Variants in NEDD4L observed in about 807,000 individuals in gnomAD.
NEDD4L encodes E3 ubiquitin-protein ligase NEDD4-like.
NEDD4L carries 54 observed loss-of-function variants against 148.9 expected under a neutral mutation model. The ratio of observed to expected loss-of-function variants is 0.36; its 90% CI spans 0.29 to 0.45. The LOEUF (loss-of-function observed/expected upper bound fraction) is 0.45. NEDD4L is among the 20% of genes least tolerant of loss of function. The pLI is 1.00. For synonymous variants in NEDD4L, 433 were observed against 440.7 expected, an observed-to-expected ratio of 0.98 and a Z score of 0.22; for missense variants, 856 against 1,233.8, an observed-to-expected ratio of 0.69 and a Z score of 4.59.
intron 19 of NEDD4L, among the ~76,000 whole-genome samples, chr18:58,359,429 C>G (rs764437794): frequency 5.9e-5 from 9 of 152,102 alleles, no homozygotes; most frequent in Non-Finnish European, 1.0e-4. Flanking sequence ...AACATCAGGA[C>G]CTCAGGGAAC....
chr18:58,044,714 T>G lies in NEDD4L; in HGVS notation c.48+6T>G. On this transcript the variant is annotated splice_donor_region_variant and intron_variant, in intron 1 of 30. Transcript: ENST00000400345. The stretch of plus-strand genomic sequence containing the variant: ...ATGGACTTTCCGAAGACGAGGTGAG[T>G]GGCACCCCCTTCCTGCTCGGGACTC... The G allele has an allele frequency of 6.2e-7, 1 of 1,602,548 alleles. No individual in the cohort carries two copies. Among genetic ancestry groups the G allele is most frequent in the Non-Finnish European group, 8.5e-7 (1 of 1,174,680 alleles).
intron 16 of NEDD4L, among the ~76,000 whole-genome samples, chr18:58,347,103 C>T (rs2043166545): frequency 6.6e-6 from 1 of 151,634 alleles, no homozygotes; most frequent in Admixed American, 6.6e-5. Flanking sequence ...TGCAAGGCCA[C>T]TTTAGCAGAT....
At chr18:58,154,344 G>A (rs1599161259) in intron 1 of NEDD4L, among the ~76,000 whole-genome samples, 2 of 152,166 alleles carry the variant, frequency 1.3e-5, no homozygotes, top group Admixed American at 6.5e-5. Context: ...AGGAAGACTG[G>A]GACCCAAGGG....
chr18:58,072,907 A>C (rs1407973581), intron 1 of NEDD4L, among the ~76,000 whole-genome samples: 1 of 122,282 alleles, frequency 8.2e-6, no homozygotes, highest in Non-Finnish European at 1.9e-5. Context: ...CACACACACA[A>C]ATCTTGAACT....
In NEDD4L at chr18:58,174,398, C is replaced by T. The variant is rs533396104; in HGVS notation, c.122+8537C>T. On this transcript the variant is annotated intron_variant, in intron 2 of 30. Transcript: ENST00000400345. The stretch of plus-strand genomic sequence containing the variant: ...TGGGTTTCATCCGGGACCAGCAGTC[C>T]AGTCTTTCAGCCTTCAGGCTGTTTT... Among the ~76,000 whole-genome samples the T allele has an allele frequency of 1.1e-3, 175 of 152,234 alleles. 1 individual carries two copies. Among genetic ancestry groups the T allele is most frequent in the African/African-American group, 3.9e-3 (162 of 41,536 alleles).
intron 11 of NEDD4L, 106 bp from the exon 12 acceptor site, chr18:58,333,712 T>C: frequency 1.3e-6 from 1 of 757,254 alleles, no homozygotes. Flanking sequence ...TACCTTCTAA[T>C]ATCGAAGAGC....
intron 19 of NEDD4L, among the ~76,000 whole-genome samples, chr18:58,363,136 G>C (rs34639145): frequency 2.0e-5 from 3 of 151,986 alleles, no homozygotes; most frequent in African/African-American, 7.3e-5. Context: ...AAACACTGAC[G>C]TGCTCATTTT....
chr18:58,146,572 C>A (rs536493729), intron 1 of NEDD4L, among the ~76,000 whole-genome samples: 1 of 152,292 alleles, frequency 6.6e-6, no homozygotes, highest in Admixed American at 6.5e-5. Context: ...TAGGGTTCAG[C>A]CCTGGCCCTA....
chr18:58,279,403 T>G (rs1048123735), intron 5 of NEDD4L, among the ~76,000 whole-genome samples: 1 of 152,148 alleles, frequency 6.6e-6, no homozygotes, highest in Non-Finnish European at 1.5e-5. Flanking sequence ...CTGCACAGGA[T>G]GAAAGGTGCG....
chr18:58,297,726 G>A (rs1347029889), intron 5 of NEDD4L, among the ~76,000 whole-genome samples: 1 of 152,184 alleles, frequency 6.6e-6, no homozygotes, highest in Non-Finnish European at 1.5e-5. Flanking sequence ...TCCTGGATGA[G>A]CTGAGTGGGC....
intron 1 of NEDD4L, among the ~76,000 whole-genome samples, chr18:58,116,228 T>G (rs547796042): frequency 1.8e-4 from 28 of 152,390 alleles, no homozygotes; most frequent in African/African-American, 5.8e-4. Context: ...TCCAGTCTTC[T>G]TGCCCTGTAA....
At chr18:58,234,046 TTTC>T (rs1568442150) in intron 2 of NEDD4L, among the ~76,000 whole-genome samples, 2 of 47,278 alleles carry the variant, frequency 4.2e-5, no homozygotes, top group East Asian at 7.6e-4. Context: ...TTTCTTTCCT[TTTC>T]TTTCTTTCTT....
At chr18:58,195,804 T>C in intron 2 of NEDD4L, 1 of 973,028 alleles carries the variant, frequency 1.0e-6, no homozygotes, top group Non-Finnish European at 1.5e-6. Context: ...GAAGGTTCTC[T>C]TACCGTGAAT....
At chr18:58,236,493 CTG>C (rs1367107280) in intron 2 of NEDD4L, among the ~76,000 whole-genome samples, 1 of 152,196 alleles carries the variant, frequency 6.6e-6, no homozygotes, top group African/African-American at 2.4e-5. Flanking sequence ...TATTCACGGA[CTG>C]TGGTGATCTT....
chr18:58,121,296 G>A (rs969789372), intron 1 of NEDD4L, among the ~76,000 whole-genome samples: 1 of 152,138 alleles, frequency 6.6e-6, no homozygotes, highest in Non-Finnish European at 1.5e-5. Flanking sequence ...CTCTTTGGGG[G>A]CCCGGTTTTC....
chr18:58,243,679 G>A lies in NEDD4L; in HGVS notation c.123-1748G>A, dbSNP rs1193028344. ...AGGTGCTTATGGGAGCTTTGACCTG[G>A]GCTAGGTGCCGGCTCTTGATCCATC... On this transcript the variant is annotated intron_variant, in intron 2 of 30. Coordinates refer to ENST00000400345, the MANE Select transcript of NEDD4L (RefSeq NM_001144967.3). Among the ~76,000 whole-genome samples the A allele has an allele frequency of 2.6e-5, 4 of 152,270 alleles. 1 individual carries two copies. The East Asian group carries it at 7.7e-4, about 29-fold the overall frequency.
At chr18:58,161,835 G>A (rs1290100981) in intron 1 of NEDD4L, among the ~76,000 whole-genome samples, 1 of 152,054 alleles carries the variant, frequency 6.6e-6, no homozygotes, top group Non-Finnish European at 1.5e-5. Context: ...AGTGGGAGGG[G>A]CTTATGGGGC....
intron 2 of NEDD4L, among the ~76,000 whole-genome samples, chr18:58,203,698 T>G (rs1032779820): frequency 5.1e-5 from 3 of 59,358 alleles, no homozygotes; most frequent in African/African-American, 4.0e-4. Flanking sequence ...CATTTTGCAA[T>G]TTTTTTTTTT....
At position 58,393,672 on chromosome 18, in the gene NEDD4L, A is replaced by T. The variant is rs8082897; in HGVS notation, c.2825+2113A>T. On this transcript the variant is annotated intron_variant, in intron 30 of 30. Coordinates refer to ENST00000400345, the MANE Select transcript of NEDD4L (RefSeq NM_001144967.3). ...TGGCTTTCCTCCCTACCTGACCCTG[A>T]CTGTATTTTGACATAGGAAACAGAA... Among the ~76,000 whole-genome samples the T allele has an allele frequency of 9.5e-3, 1,443 of 152,236 alleles. 18 individuals carry two copies. The highest frequency in any genetic ancestry group is 0.033 in the African/African-American group (1,359 of 41,534).
Sources: gnomAD v4.1 joint callset for allele counts (sites outside exome capture counted in the v4.1 genomes callset) on GRCh38, gnomAD v4.1.1 for gene constraint, MANE v1.5 for transcripts, NCBI Gene and HGNC (gene_info 2026-07-23, HGNC 2026-07-21) for gene names.